Variants in STRN observed in about 807,000 individuals in gnomAD.
STRN encodes the protein protein phosphatase 2 regulatory subunit B'''alpha.
STRN carries 53 observed loss-of-function variants against 96.3 expected under a neutral mutation model. The observed-to-expected ratio is 0.55, with a 90% CI of 0.44 to 0.69. The LOEUF is 0.69. STRN is among the 30% of genes least tolerant of loss of function. The pLI is 0.00. For missense variants in STRN, 987 were observed against 963.9 expected (o/e 1.02, Z -0.32); for synonymous variants, 428 against 355.9 (o/e 1.20, Z -2.28).
intron 1 of STRN, among the ~76,000 whole-genome samples, chr2:36,931,786 C>G (rs1670579869): frequency 6.6e-6 from 1 of 152,174 alleles, no homozygotes; most frequent in Non-Finnish European, 1.5e-5. Context: ...AAGTAGAGAA[C>G]TGATGTTCAA....
chr2:36,883,085 C>T (rs760196970), intron 9 of STRN, among the ~76,000 whole-genome samples: 1 of 151,972 alleles, frequency 6.6e-6, no homozygotes, highest in Non-Finnish European at 1.5e-5. Context: ...TTTAAGAACA[C>T]AAAATAGAAT....
chr2:36,914,352 C>T (rs7588378), intron 3 of STRN, among the ~76,000 whole-genome samples: 83,319 of 152,046 alleles, frequency 0.55, 23,629 homozygotes, highest in African/African-American at 0.69. Flanking sequence ...AAATTGATAT[C>T]CAAAACTTAT....
At chr2:36,950,577 G>T (rs897929875) in intron 1 of STRN, among the ~76,000 whole-genome samples, 3 of 152,168 alleles carry the variant, frequency 2.0e-5, no homozygotes, top group African/African-American at 7.2e-5. Context: ...TCTGTCCAAG[G>T]TTAAGAATTA....
chr2:36,885,434 T>C (rs941432449), intron 8 of STRN, among the ~76,000 whole-genome samples: 4 of 152,156 alleles, frequency 2.6e-5, no homozygotes, highest in African/African-American at 9.6e-5. Context: ...CCAAGACAAA[T>C]CATCTCCCTA....
At chr2:36,917,538 G>GAAAAAAAAAAAA (rs576754026) in intron 2 of STRN, among the ~76,000 whole-genome samples, 4 of 88,650 alleles carry the variant, frequency 4.5e-5, no homozygotes, top group African/African-American at 1.0e-4. Flanking sequence ...ACAAAAAAAA[G>GAAAAAAAAAAAA]AAAAAAAAAA....
chr2:36,878,085 T>C (rs1262866212), intron 9 of STRN, 58 bp from the exon 10 acceptor site: 3 of 1,585,550 alleles, frequency 1.9e-6, no homozygotes, highest in Admixed American at 3.6e-5. Context: ...ACATTTAGTC[T>C]CATTTGCTTG....
chr2:36,966,374 A>C lies in STRN; in HGVS notation c.90T>G (p.Ala30=). The change falls in exon 1 of 18, where the codon GCT becomes GCG. Residue 30 remains alanine, a synonymous_variant. Transcript: ENST00000263918. ...CAGCCGCCCCGTCGCCGGCCGCGGC[A>C]GCCTCCGCCAGAGGCCCGAGCCCCT... ...GAKGLGPLAE[A]AAAGDGAAAA... The C allele has an allele frequency of 1.4e-6, 2 of 1,461,248 alleles. No homozygotes were observed. Among genetic ancestry groups the C allele is most frequent in the Non-Finnish European group, 1.8e-6 (2 of 1,109,062 alleles). The allele number at this position is 1,461,248 out of a possible 1,614,324, so 90.5% of individuals were successfully genotyped here. A position where few individuals can be genotyped will look rare whatever the true frequency, so the allele number is the denominator to read the frequency against.
At chr2:36,875,080 A>C (rs1392097776) in intron 10 of STRN, among the ~76,000 whole-genome samples, 1 of 152,234 alleles carries the variant, frequency 6.6e-6, no homozygotes, top group Non-Finnish European at 1.5e-5. Flanking sequence ...GGGAATTAAG[A>C]ATTAAAAGCA....
chr2:36,889,102 C>G (rs1199730741), intron 7 of STRN, among the ~76,000 whole-genome samples: 1 of 152,150 alleles, frequency 6.6e-6, no homozygotes, highest in Non-Finnish European at 1.5e-5. Flanking sequence ...TTCTGACATA[C>G]TATATCCTCT....
intron 7 of STRN, among the ~76,000 whole-genome samples, chr2:36,891,568 T>A (rs1572652464): frequency 6.6e-6 from 1 of 152,154 alleles, no homozygotes; most frequent in East Asian, 1.9e-4. Flanking sequence ...TGGTTTCTGA[T>A]AAGTAAGGCG....
intron 2 of STRN, among the ~76,000 whole-genome samples, chr2:36,923,884 T>C (rs922192968): frequency 6.6e-6 from 1 of 152,022 alleles, no homozygotes; most frequent in Non-Finnish European, 1.5e-5. Context: ...CCAAGGCCCA[T>C]TCATTAAAGC....
chr2:36,839,288 T>C lies in STRN; in HGVS notation c.*10168A>G, dbSNP rs1426606985. On this transcript the variant is annotated 3_prime_UTR_variant, in exon 18 of 18. Transcript: ENST00000263918. Reference sequence around the variant, plus strand: ...CTAATATTCCCTATATTTTCACTTGTTCCCCCACCTGGAATGTGCTGCATC... The same window carrying C: ...CTAATATTCCCTATATTTTCACTTGCTCCCCCACCTGGAATGTGCTGCATC... 6.6e-6 allele frequency among the ~76,000 whole-genome samples: 1 copy of C among 152,192 alleles called. No homozygotes were observed. Among genetic ancestry groups the C allele is most frequent in the Non-Finnish European group, 1.5e-5 (1 of 68,026 alleles).
intron 2 of STRN, among the ~76,000 whole-genome samples, chr2:36,923,018 T>C (rs1246610582): frequency 1.3e-5 from 2 of 151,868 alleles, no homozygotes; most frequent in Non-Finnish European, 2.9e-5. Flanking sequence ...GGCAAGCTCC[T>C]GTAATCCCAG....
intron 1 of STRN, among the ~76,000 whole-genome samples, chr2:36,928,143 C>T (rs963915002): frequency 4.0e-5 from 6 of 151,474 alleles, no homozygotes; most frequent in African/African-American, 1.2e-4. Flanking sequence ...TAAAAAAAAA[C>T]GAATTCCTTC....
At chr2:36,888,132 G>C (rs552749029) in intron 7 of STRN, among the ~76,000 whole-genome samples, 9 of 152,126 alleles carry the variant, frequency 5.9e-5, no homozygotes, top group Admixed American at 3.3e-4. Context: ...AATATATCAG[G>C]GAAAACTATT....
At chr2:36,961,980 T>C (rs3845779) in intron 1 of STRN, among the ~76,000 whole-genome samples, 32,734 of 152,088 alleles carry the variant, frequency 0.22, 4,418 homozygotes, top group African/African-American at 0.38. Flanking sequence ...TTAGCTCGAA[T>C]GGCATCTTAT....
chr2:36,914,739 G>A (rs1025268130), intron 3 of STRN, among the ~76,000 whole-genome samples: 11 of 152,152 alleles, frequency 7.2e-5, no homozygotes, highest in African/African-American at 2.7e-4. Context: ...GAATTTTGGA[G>A]TCAGAAAGAC....
chr2:36,957,907 C>T (rs1572701857), intron 1 of STRN, among the ~76,000 whole-genome samples: 3 of 145,866 alleles, frequency 2.1e-5, no homozygotes, highest in African/African-American at 5.1e-5. Flanking sequence ...CCCATCACGA[C>T]GCCCAGCTAA....
rs572447518 is a variant in STRN, at chr2:36,947,586, T to G, written c.234+18644A>C. Among the ~76,000 whole-genome samples the G allele has an allele frequency of 2.0e-5, 3 of 148,618 alleles. No homozygotes were observed. In the South Asian group the frequency reaches 6.3e-4, roughly 31 times the overall value. On this transcript the variant is annotated intron_variant, in intron 1 of 17. Coordinates refer to ENST00000263918, the MANE Select transcript of STRN (RefSeq NM_003162.4). ...CATATATATTATATATATATATATATAAAATCACTGAACTGTGTTTTACAA... is the reference window on the plus strand; with the variant it reads ...CATATATATTATATATATATATATAGAAAATCACTGAACTGTGTTTTACAA...
Sources: allele counts gnomAD v4.1 joint callset (sites outside exome capture counted in the v4.1 genomes callset), GRCh38; gene constraint gnomAD v4.1.1; transcripts MANE v1.5; gene names NCBI Gene and HGNC (gene_info 2026-07-23, HGNC 2026-07-21).